Variants in ZFAND3 observed in about 807,000 individuals in gnomAD.
ZFAND3 encodes AN1-type zinc finger protein 3.
ZFAND3 carries 10 observed loss-of-function variants against 29.6 expected under a neutral mutation model. That is an observed-to-expected ratio of 0.34 (90% CI 0.21 to 0.57). The LOEUF is 0.57. Among genes scored for constraint, ZFAND3 ranks in the 20% least tolerant of loss-of-function variants. ZFAND3 has a pLI of 0.86. For missense variants in ZFAND3, 230 were observed against 304.5 expected (o/e 0.76, Z 1.82); for synonymous variants, 128 against 112.6 (o/e 1.14, Z -0.87).
At chr6:37,820,483 C>A (rs1442475681) in intron 1 of ZFAND3, among the ~76,000 whole-genome samples, 1 of 152,230 alleles carries the variant, frequency 6.6e-6, no homozygotes, top group Non-Finnish European at 1.5e-5. Flanking sequence ...AGACTTGCAT[C>A]ATCACTTCCT....
intron 5 of ZFAND3, among the ~76,000 whole-genome samples, chr6:38,120,711 A>G (rs150867465): frequency 8.5e-5 from 13 of 152,198 alleles, no homozygotes; most frequent in Non-Finnish European, 1.6e-4. Flanking sequence ...AAGTTTTAAC[A>G]TATTTTCAAT....
intron 2 of ZFAND3, among the ~76,000 whole-genome samples, chr6:37,964,521 T>G (rs920015883): frequency 6.6e-5 from 10 of 152,188 alleles, no homozygotes; most frequent in Admixed American, 3.3e-4. Context: ...CACAGCCCCT[T>G]AGAGACAGCC....
chr6:37,965,004 G>T (rs1378747320), intron 2 of ZFAND3, among the ~76,000 whole-genome samples: 1 of 152,160 alleles, frequency 6.6e-6, no homozygotes, highest in African/African-American at 2.4e-5. Flanking sequence ...GTAAATGTAG[G>T]ATATGAAAAT....
chr6:37,942,767 C>T (rs554041406), intron 2 of ZFAND3, among the ~76,000 whole-genome samples: 54 of 149,130 alleles, frequency 3.6e-4, no homozygotes, highest in African/African-American at 1.3e-3. Context: ...TACTAATTCA[C>T]GTCATAGAGA....
At chr6:38,051,388 C>A (rs1039490013) in intron 2 of ZFAND3, among the ~76,000 whole-genome samples, 1 of 152,178 alleles carries the variant, frequency 6.6e-6, no homozygotes. Context: ...CTTTTCTATT[C>A]TGTTGTCATT....
intron 2 of ZFAND3, among the ~76,000 whole-genome samples, chr6:37,958,716 G>A (rs937248697): frequency 6.6e-6 from 1 of 151,968 alleles, no homozygotes; most frequent in African/African-American, 2.4e-5. Flanking sequence ...AAAAAACCTT[G>A]CTTGGCTTTT....
chr6:38,074,908 A>G (rs1764522832), intron 3 of ZFAND3, among the ~76,000 whole-genome samples: 1 of 152,220 alleles, frequency 6.6e-6, no homozygotes, highest in South Asian at 2.1e-4. Context: ...TGTGTTCTGT[A>G]AATGGAACAA....
At chr6:37,853,942 T>C (rs1023118921) in intron 1 of ZFAND3, among the ~76,000 whole-genome samples, 16 of 151,602 alleles carry the variant, frequency 1.1e-4, no homozygotes, top group Admixed American at 2.6e-4. Flanking sequence ...GGCTTTTGCC[T>C]TTTTAAAAAA....
At chr6:37,887,326 A>C (rs1258349116) in intron 1 of ZFAND3, among the ~76,000 whole-genome samples, 1 of 152,228 alleles carries the variant, frequency 6.6e-6, no homozygotes, top group Non-Finnish European at 1.5e-5. Flanking sequence ...ATTTGTATTA[A>C]ATATGTAATA....
At chr6:38,006,138 C>G (rs1341172160) in intron 2 of ZFAND3, among the ~76,000 whole-genome samples, 1 of 152,012 alleles carries the variant, frequency 6.6e-6, no homozygotes, top group Non-Finnish European at 1.5e-5. Flanking sequence ...TGTATCATGC[C>G]CCAGAAAAAG....
intron 2 of ZFAND3, among the ~76,000 whole-genome samples, chr6:38,045,248 C>T (rs182072133): frequency 2.0e-5 from 3 of 151,728 alleles, no homozygotes; most frequent in Non-Finnish European, 4.4e-5. Flanking sequence ...CCACTATGCC[C>T]GGCTAATTTT....
chr6:38,043,697 G>A (rs1763841540), intron 2 of ZFAND3, among the ~76,000 whole-genome samples: 2 of 151,972 alleles, frequency 1.3e-5, no homozygotes, highest in East Asian at 3.9e-4. Context: ...CCACTGCCTT[G>A]ATCTCCAGGG....
intron 2 of ZFAND3, among the ~76,000 whole-genome samples, chr6:38,056,214 A>G (rs1581878814): frequency 6.6e-6 from 1 of 152,350 alleles, no homozygotes; most frequent in East Asian, 1.9e-4. Context: ...TAGTTCATGT[A>G]TCTATAAATG....
At chr6:37,926,150 C>A (rs1344836472) in intron 1 of ZFAND3, among the ~76,000 whole-genome samples, 1 of 152,010 alleles carries the variant, frequency 6.6e-6, no homozygotes, top group Non-Finnish European at 1.5e-5. Flanking sequence ...GAAGAGTGTT[C>A]CGGAAAGAAG....
intron 2 of ZFAND3, among the ~76,000 whole-genome samples, chr6:37,949,299 G>A (rs1380686948): frequency 6.6e-6 from 1 of 152,108 alleles, no homozygotes; most frequent in South Asian, 2.1e-4. Flanking sequence ...TTTTAATGGG[G>A]TTATGTGGTT....
chr6:38,050,154 C>T (rs902623942), intron 2 of ZFAND3, among the ~76,000 whole-genome samples: 2 of 151,682 alleles, frequency 1.3e-5, no homozygotes, highest in Non-Finnish European at 2.9e-5. Flanking sequence ...AGGGTTTCAC[C>T]GTGTTGCCCA....
At chr6:38,126,541 G>T (rs1245431531) in intron 5 of ZFAND3, among the ~76,000 whole-genome samples, 1 of 152,120 alleles carries the variant, frequency 6.6e-6, no homozygotes, top group Non-Finnish European at 1.5e-5. Flanking sequence ...GTTTCTTCCT[G>T]TTCTCGCCAA....
chr6:38,118,823 A>C (rs989419693), intron 5 of ZFAND3, among the ~76,000 whole-genome samples: 2 of 152,040 alleles, frequency 1.3e-5, no homozygotes, highest in African/African-American at 4.8e-5. Flanking sequence ...AGTAAAGCCA[A>C]CTTGTCTAAT....
At chr6:37,827,611 A>T (rs1398844386) in intron 1 of ZFAND3, among the ~76,000 whole-genome samples, 1 of 152,244 alleles carries the variant, frequency 6.6e-6, no homozygotes, top group Non-Finnish European at 1.5e-5. Flanking sequence ...GACAAAACCA[A>T]ACTGATCTGT....
Sources: allele counts gnomAD v4.1 joint callset (sites outside exome capture counted in the v4.1 genomes callset), GRCh38; gene constraint gnomAD v4.1.1; transcripts MANE v1.5; gene names NCBI Gene and HGNC (gene_info 2026-07-23, HGNC 2026-07-21).